The following STON1 variants were observed in gnomAD, a reference collection of about 807,000 sequenced individuals.
The protein encoded by STON1 is stonin 1.
In STON1, 79 loss-of-function variants were observed where a neutral mutation model predicts 60.9. The observed-to-expected ratio is 1.30, with a 90% CI of 1.08 to 1.56. The LOEUF (loss-of-function observed/expected upper bound fraction) is 1.56, where lower values mean the gene tolerates loss of function less well. STON1 is among the 40% of genes most tolerant of loss of function. The pLI is 0.00. For synonymous variants in STON1, 363 were observed against 306.9 expected (o/e 1.18, Z -1.91); for missense variants, 1,166 against 858.9 (o/e 1.36, Z -4.47).
rs1343251124 is a variant in STON1 at position 48,598,437 on chromosome 2, T to G, written c.*3135T>G. On this transcript the variant is annotated 3_prime_UTR_variant, in exon 4 of 4. Transcript: ENST00000404752. Reference sequence around the variant, plus strand: ...CTGTCAATGCAAATATAAGACAGGTTGAGCCTTAATCATGTAACAAAATAT... The same window carrying G: ...CTGTCAATGCAAATATAAGACAGGTGGAGCCTTAATCATGTAACAAAATAT... The G allele has an allele frequency of 6.6e-6, 1 of 152,658 alleles. No homozygotes were observed. Among genetic ancestry groups the G allele is most frequent in the Non-Finnish European group, 1.5e-5 (1 of 68,030 alleles). The allele number at this position is 152,658 out of a possible 1,614,324, so 9.5% of individuals were successfully genotyped here. A position where few individuals can be genotyped will look rare whatever the true frequency, so the allele number is the denominator to read the frequency against.
At chr2:48,541,837 G>A (rs141395911) in intron 1 of STON1, among the ~76,000 whole-genome samples, 14 of 152,016 alleles carry the variant, frequency 9.2e-5, no homozygotes, top group Non-Finnish European at 1.6e-4. Flanking sequence ...AAATAATACC[G>A]TGTGCCACTG....
chr2:48,585,840 G>A (rs1674179704), intron 2 of STON1, among the ~76,000 whole-genome samples: 1 of 152,244 alleles, frequency 6.6e-6, no homozygotes, highest in African/African-American at 2.4e-5. Context: ...AACTCCTGTT[G>A]TTTTCCGTTG....
chr2:48,591,457 T>C (rs1235257313), intron 2 of STON1, among the ~76,000 whole-genome samples, 196 bp from the exon 3 acceptor site: 1 of 152,126 alleles, frequency 6.6e-6, no homozygotes, highest in Non-Finnish European at 1.5e-5. Context: ...AGCTAGTACT[T>C]AAAAATGGCA....
chr2:48,597,520 C>G lies in STON1; in HGVS notation c.*2218C>G, dbSNP rs962164952. On this transcript the variant is annotated 3_prime_UTR_variant, in exon 4 of 4. Coordinates refer to ENST00000404752, the MANE Select transcript of STON1 (RefSeq NM_006873.4). ...GCAAAGGGTTCACTTAGTTGCCCCT[C>G]ATGCTTCACAGGTTGACTAGTATCT... 6.6e-6 allele frequency: 1 copy of G among 152,300 alleles called. No homozygotes were observed. Among genetic ancestry groups the G allele is most frequent in the African/African-American group, 2.4e-5 (1 of 41,462 alleles). The allele number at this position is 152,300 out of a possible 1,614,324, so 9.4% of individuals were successfully genotyped here. A position where few individuals can be genotyped will look rare whatever the true frequency, so the allele number is the denominator to read the frequency against.
intron 1 of STON1, among the ~76,000 whole-genome samples, chr2:48,550,248 A>G (rs1672042523): frequency 2.6e-5 from 4 of 152,128 alleles, no homozygotes; most frequent in Admixed American, 2.6e-4. Flanking sequence ...TTGTATTCCC[A>G]GCACTTTGAG....
At chr2:48,584,464 TC>T (rs1674083084) in intron 2 of STON1, among the ~76,000 whole-genome samples, 1 of 151,896 alleles carries the variant, frequency 6.6e-6, no homozygotes, top group African/African-American at 2.4e-5. Context: ...GACGGGGTTT[TC>T]CCATGTTGGC....
At chr2:48,541,494 A>G (rs1671649168) in intron 1 of STON1, among the ~76,000 whole-genome samples, 1 of 146,376 alleles carries the variant, frequency 6.8e-6, no homozygotes. Context: ...AACCAGCCTG[A>G]CCAACATGGT....
intron 1 of STON1, among the ~76,000 whole-genome samples, chr2:48,536,962 A>G (rs2103739836): frequency 6.6e-6 from 1 of 152,206 alleles, no homozygotes; most frequent in Admixed American, 6.5e-5. Flanking sequence ...TGATTTTTGA[A>G]TTTTGTTTTT....
intron 1 of STON1, among the ~76,000 whole-genome samples, chr2:48,560,216 G>A (rs1296424613): frequency 6.6e-6 from 1 of 152,208 alleles, no homozygotes; most frequent in Non-Finnish European, 1.5e-5. Flanking sequence ...AGGAAGGACA[G>A]TGGACCTTCA....
At chr2:48,549,736 CAG>C (rs1018578706) in intron 1 of STON1, among the ~76,000 whole-genome samples, 1 of 144,914 alleles carries the variant, frequency 6.9e-6, no homozygotes, top group Non-Finnish European at 1.5e-5. Flanking sequence ...GGCTTGAACT[CAG>C]GGGGACAGAG....
At chr2:48,548,488 ATTTTTCTTTTT>A (rs1671950770) in intron 1 of STON1, among the ~76,000 whole-genome samples, 1 of 140,230 alleles carries the variant, frequency 7.1e-6, no homozygotes, top group Non-Finnish European at 1.6e-5. Flanking sequence ...TTCTTCTTTC[ATTTTTCTTTTT>A]TTTTTTCTTT....
intron 1 of STON1, among the ~76,000 whole-genome samples, chr2:48,575,708 C>T (rs1306175266): frequency 6.7e-6 from 1 of 149,906 alleles, no homozygotes; most frequent in Non-Finnish European, 1.5e-5. Context: ...GGATAAATAC[C>T]CGTAAGTGGA....
intron 1 of STON1, among the ~76,000 whole-genome samples, chr2:48,579,243 G>T (rs1292100894): frequency 1.3e-5 from 2 of 151,808 alleles, no homozygotes; most frequent in African/African-American, 2.4e-5. Context: ...GACCTCAGGT[G>T]ATCTGCTCTC....
intron 1 of STON1, among the ~76,000 whole-genome samples, chr2:48,570,678 G>A (rs1440991203): frequency 2.0e-5 from 3 of 151,874 alleles, no homozygotes; most frequent in African/African-American, 7.3e-5. Flanking sequence ...TCAGTGCTTT[G>A]AAAACAGACA....
At chr2:48,545,095 A>T (rs1417781053) in intron 1 of STON1, among the ~76,000 whole-genome samples, 2 of 152,166 alleles carry the variant, frequency 1.3e-5, no homozygotes, top group African/African-American at 4.8e-5. Context: ...ACTGGTGGTC[A>T]GGTGCTCCTG....
chr2:48,556,778 G>A (rs1572943557), intron 1 of STON1, among the ~76,000 whole-genome samples: 1 of 58,688 alleles, frequency 1.7e-5, no homozygotes, highest in East Asian at 6.1e-4. Flanking sequence ...TGGACGGCAC[G>A]GCTGCCCGGG....
At chr2:48,575,826 C>T (rs1673463171) in intron 1 of STON1, among the ~76,000 whole-genome samples, 2 of 137,440 alleles carry the variant, frequency 1.5e-5, no homozygotes, top group Admixed American at 1.6e-4. Context: ...TGGCGTGATA[C>T]CCATTCACTG....
chr2:48,553,365 TCTTCCCTTCCCTTCC>T (rs938150551), intron 1 of STON1, among the ~76,000 whole-genome samples: 1 of 150,032 alleles, frequency 6.7e-6, no homozygotes, highest in African/African-American at 2.5e-5. Flanking sequence ...CCTTCCCTTC[TCTTCCCTTCCCTTCC>T]CTTCCCTTCC....
intron 1 of STON1, among the ~76,000 whole-genome samples, chr2:48,567,178 C>T (rs1254590933): frequency 6.6e-6 from 1 of 152,148 alleles, no homozygotes; most frequent in African/African-American, 2.4e-5. Flanking sequence ...TATTCCCTGT[C>T]ACATAGCTGA....
Sources: allele counts gnomAD v4.1 joint callset (sites outside exome capture counted in the v4.1 genomes callset), GRCh38; gene constraint gnomAD v4.1.1; transcripts MANE v1.5; gene names NCBI Gene and HGNC (gene_info 2026-07-23, HGNC 2026-07-21).